CUL9: variants seen among roughly 807,000 people sequenced by gnomAD.
CUL9 encodes cullin-9.
In CUL9, 79 loss-of-function variants were observed where a neutral mutation model predicts 272.6. The observed-to-expected ratio is 0.29, with a 90% CI of 0.24 to 0.35. The LOEUF (loss-of-function observed/expected upper bound fraction) is 0.35. Among genes scored for constraint, CUL9 ranks in the 10% least tolerant of loss-of-function variants. The pLI is 1.00. For synonymous variants in CUL9, 1,186 were observed against 1,286.5 expected (o/e 0.92, Z 1.67); for missense variants, 2,532 against 3,255.6 (o/e 0.78, Z 5.41).
rs746303779 is a variant in CUL9 at position 43,199,218 on chromosome 6, G to C, written c.3051-48G>C. ...CCCAAAGTGCTGGGATTACAGGCAT[G>C]AGCCACTGTGCCTGGCCTGACTTCA... On this transcript the variant is annotated intron_variant, in intron 12 of 40. Transcript: ENST00000252050. This position sits in a 1 kb window ranked among gnomAD's most constrained non-coding sequence, Gnocchi z 4.4. 2 of 1,467,086 alleles carry C rather than the reference G, an allele frequency of 1.4e-6. No homozygotes were observed. The highest frequency in any genetic ancestry group is 1.9e-6 in the Non-Finnish European group (2 of 1,048,398). The allele number at this position is 1,467,086 out of a possible 1,614,324, so 90.9% of individuals were successfully genotyped here.
intron 16 of CUL9, among the ~76,000 whole-genome samples, chr6:43,201,338 T>C (rs1247282592): frequency 6.6e-6 from 1 of 151,964 alleles, no homozygotes; most frequent in Non-Finnish European, 1.5e-5. Context: ...GGTTTTGACA[T>C]TGAAATTAGG....
chr6:43,215,681 C>T (rs1305404501), intron 30 of CUL9, among the ~76,000 whole-genome samples: 4 of 152,218 alleles, frequency 2.6e-5, no homozygotes, highest in Admixed American at 2.6e-4. Flanking sequence ...CTTTTCATGC[C>T]TGCTGTTTGC....
chr6:43,198,939 CT>C (rs540298989), intron 12 of CUL9, 84 bp downstream of exon 12: 157,834 of 1,117,494 alleles, frequency 0.14, no homozygotes, highest in Middle Eastern at 0.18. Flanking sequence ...TTTCTGTTTT[CT>C]TTTTTTTTTT....
chr6:43,213,722 G>A lies in CUL9; in HGVS notation c.5498G>A (p.Arg1833Gln), dbSNP rs768647093. 204 of 1,612,880 alleles carry A rather than the reference G, an allele frequency of 1.3e-4. No homozygotes were observed. The highest frequency in any genetic ancestry group is 1.6e-4 in the Non-Finnish European group (187 of 1,179,780). Residue 1833 changes from arginine (R) to glutamine (Q), a missense_variant, in exon 29 of 41, where the codon CGG becomes CAG. Physicochemically the swap from Arg to Gln is conservative, Grantham distance 43. This residue lies in a region of CUL9 where 2,218 missense variants were observed against 2,788.6 expected (regional missense o/e 0.80). Transcript: ENST00000252050. The surrounding 1 kb of genome is among the most constrained non-coding windows in gnomAD (Gnocchi z 5.7). Reference protein sequence around the residue: ...GQDFPHGGVLRLHEPGPQRSG... With the variant: ...GQDFPHGGVLQLHEPGPQRSG... Reference sequence around the variant, plus strand: ...CGGGAGCGGGTTCCAGGTGTGCTGCGGCTTCATGAGCCTGGGCCCCAGCGC... The same window carrying A: ...CGGGAGCGGGTTCCAGGTGTGCTGCAGCTTCATGAGCCTGGGCCCCAGCGC...
At position 43,200,669 on chromosome 6, in the gene CUL9, G is replaced by A; in HGVS notation, c.3482G>A (p.Ser1161Asn). The A allele has an allele frequency of 1.9e-6, 3 of 1,614,202 alleles. No homozygotes were observed. Among genetic ancestry groups the A allele is most frequent in the South Asian group, 1.1e-5 (1 of 91,086 alleles). The change falls in exon 16 of 41, where the codon AGT becomes AAT. Residue 1161 changes from serine (S) to asparagine (N), a missense_variant. Transcript: ENST00000252050. This position sits in a 1 kb window ranked among gnomAD's most constrained non-coding sequence, Gnocchi z 4.0. ...VFLRHLCQGS[S>N]VEVKEDKCWE... ...CCTTCCCACTTGCCCCCAGGCTCCA[G>A]TGTGGAAGTGAAGGAGGACAAGTGC... is the stretch of plus-strand genomic sequence containing the variant.
chr6:43,219,136 C>A (rs556426172), intron 31 of CUL9, among the ~76,000 whole-genome samples: 1 of 152,106 alleles, frequency 6.6e-6, no homozygotes, highest in African/African-American at 2.4e-5. Flanking sequence ...CTGCGGTGAA[C>A]CATGATTGTG....
rs772865178 is a variant in CUL9 at position 43,199,267 on chromosome 6, G to A, written c.3052G>A (p.Val1018Ile). 2.5e-6 allele frequency: 4 copies of A among 1,612,742 alleles called. No individual in the cohort carries two copies. In the South Asian group the frequency reaches 4.4e-5, roughly 18 times the overall value. ...CACTCGTTTCTACCCCCTCACCAGG[G>A]TCATAACCCGACTGCTGGATTTCCC... ...NKTLLLSVLR[V>I]ITRLLDFPEA... Residue 1018 changes from valine (V) to isoleucine (I), a missense_variant and splice_region_variant, in exon 13 of 41, where the codon GTC becomes ATC. Transcript: ENST00000252050. The surrounding 1 kb of genome is among the most constrained non-coding windows in gnomAD (Gnocchi z 4.4).
intron 16 of CUL9, 142 bp from the exon 17 acceptor site, chr6:43,202,574 G>A (rs1414639061): frequency 3.0e-6 from 2 of 667,428 alleles, no homozygotes; most frequent in Non-Finnish European, 5.4e-6. Context: ...CGTAGAGGTG[G>A]GGTCTTGCAG....
At chr6:43,192,571 G>A (rs185966899) in intron 8 of CUL9, among the ~76,000 whole-genome samples, 1 of 152,264 alleles carries the variant, frequency 6.6e-6, no homozygotes, top group East Asian at 1.9e-4. Context: ...AGCTACTCAA[G>A]AGGCTGAGGC....
Position 43,213,193 on chromosome 6 carries a change from C to A in CUL9, c.5257C>A (p.Gln1753Lys). 6.2e-7 allele frequency: 1 copy of A among 1,614,182 alleles called. No individual in the cohort carries two copies. The highest frequency in any genetic ancestry group is 8.5e-7 in the Non-Finnish European group (1 of 1,180,030). ...VLDMGPHRRL[Q>K]WTWLGRAELQ... Reference sequence around the variant, plus strand: ...GGACATGGGACCACATCGGCGACTGCAGTGGACGTGGCTGGGCCGGGCTGA... The same window carrying A: ...GGACATGGGACCACATCGGCGACTGAAGTGGACGTGGCTGGGCCGGGCTGA... Residue 1753 changes from glutamine to lysine, a missense_variant, in exon 27 of 41, where the codon CAG becomes AAG. Physicochemically the swap from Gln to Lys is moderately conservative, Grantham distance 53 (BLOSUM62 1). Transcript: ENST00000252050. The surrounding 1 kb of genome is among the most constrained non-coding windows in gnomAD (Gnocchi z 5.7).
At chr6:43,216,867 T>C (rs1775984678) in intron 31 of CUL9, among the ~76,000 whole-genome samples, 1 of 152,196 alleles carries the variant, frequency 6.6e-6, no homozygotes, top group Non-Finnish European at 1.5e-5. Flanking sequence ...CTCACGGGAT[T>C]CCCATTATCA....
In CUL9 at chr6:43,222,770, C is replaced by T; in HGVS notation, c.7033-9C>T. On this transcript the variant is annotated splice_polypyrimidine_tract_variant and intron_variant, in intron 37 of 40. Transcript: ENST00000252050. ...GGGCAGGCGGGAGAGCTGATGGGAG[C>T]CCCTGCAGGTGCTGGCCTACGCCTG... 6.2e-7 allele frequency: 1 copy of T among 1,612,508 alleles called. No homozygotes were observed. Among genetic ancestry groups the T allele is most frequent in the Non-Finnish European group, 8.5e-7 (1 of 1,178,806 alleles).
rs1319854784 is a variant in CUL9 at position 43,190,341 on chromosome 6, C to T, written c.2180+1626C>T. ...ATATTCTGTTATTATCCTTTGCCCA[C>T]TTTTTAATTGGATCTTTGCCTTTTT... On this transcript the variant is annotated intron_variant, in intron 8 of 40. Transcript: ENST00000252050. Among the ~76,000 whole-genome samples, 7 of 151,194 alleles carry T rather than the reference C, an allele frequency of 4.6e-5. No individual in the cohort carries two copies. In the South Asian group the frequency reaches 1.5e-3, roughly 32 times the overall value.
intron 6 of CUL9, 119 bp downstream of exon 6, chr6:43,187,558 A>C (rs1582289775): frequency 1.5e-6 from 2 of 1,330,618 alleles, no homozygotes; most frequent in Non-Finnish European, 2.1e-6. Flanking sequence ...GATTAGAGTT[A>C]GGAGGAGTCC....
Position 43,187,705 on chromosome 6 carries a change from G to T in CUL9, c.1582-8G>T, listed in dbSNP as rs761856637. ...TGTCTCTTAAACGTATACCCCTTCT[G>T]TTGACAGACCCTGGGTGAAAAGGCC... On this transcript the variant is annotated splice_polypyrimidine_tract_variant and splice_region_variant and intron_variant, in intron 6 of 40. Transcript: ENST00000252050. 6.2e-7 allele frequency: 1 copy of T among 1,611,366 alleles called. No homozygotes were observed. The highest frequency in any genetic ancestry group is 1.1e-5 in the South Asian group (1 of 90,892).
At chr6:43,209,468 A>G (rs1306944685) in intron 26 of CUL9, among the ~76,000 whole-genome samples, 1 of 150,438 alleles carries the variant, frequency 6.6e-6, no homozygotes, top group African/African-American at 2.4e-5. Flanking sequence ...TTTTCAACTG[A>G]CCCATAATGT....
At position 43,206,575 on chromosome 6, in the gene CUL9, G is replaced by A. The variant is rs1775062552; in HGVS notation, c.5212+65G>A. The A allele has an allele frequency of 2.5e-5, 37 of 1,492,372 alleles. No homozygotes were observed. In the South Asian group the frequency reaches 4.1e-4, roughly 16 times the overall value. The allele number at this position is 1,492,372 out of a possible 1,614,324, so 92.4% of individuals were successfully genotyped here. On this transcript the variant is annotated intron_variant, in intron 26 of 40. Transcript: ENST00000252050. The surrounding 1 kb of genome is among the most constrained non-coding windows in gnomAD (Gnocchi z 4.8). ...ATTCGGGGTGGCAAGAGAGGAAGAG[G>A]AGAGGACCTTTGGACAGGATATAGA...
chr6:43,191,516 G>C (rs1773507923), intron 8 of CUL9, among the ~76,000 whole-genome samples: 2 of 107,690 alleles, frequency 1.9e-5, no homozygotes, highest in Non-Finnish European at 3.5e-5. Context: ...ACTTTTTGTA[G>C]AGATGGGGTC....
At position 43,206,240 on chromosome 6, in the gene CUL9, G is replaced by A; in HGVS notation, c.5022+5G>A. On this transcript the variant is annotated splice_donor_5th_base_variant and intron_variant, in intron 25 of 40. Coordinates refer to ENST00000252050, the MANE Select transcript of CUL9 (RefSeq NM_015089.4). This position sits in a 1 kb window ranked among gnomAD's most constrained non-coding sequence, Gnocchi z 4.8. ...AAGAGACTAGAGGAAGAGGAGGTAA[G>A]AGCAGGGAGAATAGGAGAGTGAGAG... 1 of 1,612,300 alleles carries A rather than the reference G, an allele frequency of 6.2e-7. No individual in the cohort carries two copies. The highest frequency in any genetic ancestry group is 8.5e-7 in the Non-Finnish European group (1 of 1,179,046).
Sources: gnomAD v4.1 joint callset for allele counts (sites outside exome capture counted in the v4.1 genomes callset) on GRCh38, gnomAD v4.1.1 for gene constraint, gnomAD v4.1.1 regional missense constraint, Gnocchi (gnomAD v3.1) non-coding constraint, MANE v1.5 for transcripts, NCBI Gene and HGNC (gene_info 2026-07-23, HGNC 2026-07-21) for gene names.